The following ADGB variants were observed in gnomAD, a reference collection of about 807,000 sequenced individuals.
The protein encoded by ADGB is calpain-7-like protein.
ADGB carries 172 observed loss-of-function variants against 210.5 expected under a neutral mutation model. That is an observed-to-expected ratio of 0.82 (90% CI 0.72 to 0.93). ADGB has a LOEUF of 0.93. Ranked by LOEUF, ADGB falls within the 40% of genes least tolerant of loss-of-function variation. The probability of loss-of-function intolerance (pLI) is 0.00; values close to 1 mark genes in which losing one functional copy is unlikely to be tolerated. For missense variants in ADGB, 2,025 were observed against 1,964.8 expected (o/e 1.03, Z -0.58); for synonymous variants, 658 against 662.7 (o/e 0.99, Z 0.11).
At position 146,814,603 on chromosome 6, in the gene ADGB, G is replaced by C. The variant is rs188370137; in HGVS notation, c.4819-429G>C. 2.0e-5 allele frequency among the ~76,000 whole-genome samples: 3 copies of C among 152,128 alleles called. No individual in the cohort carries two copies. In the East Asian group the frequency reaches 5.8e-4, roughly 29 times the overall value. ...CAAGAGCAAAGTAACCAACAGATTT[G>C]GCCATACTATTTGGAGCTTCATCAT... On this transcript the variant is annotated intron_variant, in intron 35 of 35. Coordinates refer to ENST00000397944, the MANE Select transcript of ADGB (RefSeq NM_024694.4).
chr6:146,727,217 G>A (rs1053779728), intron 19 of ADGB, among the ~76,000 whole-genome samples: 1 of 150,804 alleles, frequency 6.6e-6, no homozygotes, highest in Non-Finnish European at 1.5e-5. Context: ...ACCTTGTATT[G>A]ATGGGATTCT....
At chr6:146,758,359 G>A (rs1777439978) in intron 27 of ADGB, among the ~76,000 whole-genome samples, 1 of 151,952 alleles carries the variant, frequency 6.6e-6, no homozygotes, top group South Asian at 2.1e-4. Flanking sequence ...GCTCTCCTGT[G>A]CTATTTATGA....
At chr6:146,765,620 A>G (rs1175353781) in intron 28 of ADGB, among the ~76,000 whole-genome samples, 3 of 151,008 alleles carry the variant, frequency 2.0e-5, no homozygotes, top group Non-Finnish European at 3.0e-5. Context: ...TATACTAAAT[A>G]ATTCTTTAGT....
chr6:146,754,436 G>A (rs1777379800), intron 27 of ADGB, among the ~76,000 whole-genome samples: 1 of 151,504 alleles, frequency 6.6e-6, no homozygotes, highest in Admixed American at 6.6e-5. Context: ...TTAGTCAAAT[G>A]CTTTTTCTTC....
intron 27 of ADGB, among the ~76,000 whole-genome samples, chr6:146,758,280 T>C (rs927712394): frequency 5.3e-5 from 8 of 152,092 alleles, no homozygotes; most frequent in South Asian, 2.1e-4. Context: ...TGATACATTT[T>C]ACACCGGTAT....
chr6:146,618,015 T>C lies in ADGB; in HGVS notation c.75-17360T>C, dbSNP rs1437930148. On this transcript the variant is annotated intron_variant, in intron 1 of 35. Coordinates refer to ENST00000397944, the MANE Select transcript of ADGB (RefSeq NM_024694.4). The stretch of plus-strand genomic sequence containing the variant: ...TAACACATATTTTGTGTGTCATATG[T>C]ATATGTTATATATACTGCATTCTTA... 4.6e-5 allele frequency among the ~76,000 whole-genome samples: 7 copies of C among 152,224 alleles called. No individual in the cohort carries two copies. In the East Asian group the frequency reaches 1.4e-3, roughly 29 times the overall value.
chr6:146,703,779 C>T (rs1776528189), intron 13 of ADGB, among the ~76,000 whole-genome samples: 1 of 151,694 alleles, frequency 6.6e-6, no homozygotes, highest in African/African-American at 2.4e-5. Flanking sequence ...AGGCAGGTAT[C>T]TCTTTCTTCT....
At chr6:146,735,056 T>C (rs1777059411) in intron 22 of ADGB, among the ~76,000 whole-genome samples, 2 of 152,086 alleles carry the variant, frequency 1.3e-5, no homozygotes, top group Non-Finnish European at 2.9e-5. Context: ...AAAGAATCTA[T>C]TTAAAACATT....
intron 28 of ADGB, 31 bp from the exon 29 acceptor site, chr6:146,768,989 T>C (rs1777614730): frequency 8.1e-7 from 1 of 1,231,918 alleles, no homozygotes; most frequent in Non-Finnish European, 1.1e-6. Flanking sequence ...TATGTTCTTA[T>C]CATTTTTAAA....
At chr6:146,726,416 G>A (rs549912959) in intron 19 of ADGB, among the ~76,000 whole-genome samples, 1 of 152,022 alleles carries the variant, frequency 6.6e-6, no homozygotes, top group Admixed American at 6.5e-5. Flanking sequence ...TTAGAGACGG[G>A]GTTTCACTAT....
chr6:146,683,040 G>T (rs1776178376), intron 9 of ADGB, among the ~76,000 whole-genome samples: 1 of 151,992 alleles, frequency 6.6e-6, no homozygotes, highest in Non-Finnish European at 1.5e-5. Context: ...CATGGGAGTG[G>T]TTAGGTATCC....
intron 3 of ADGB, among the ~76,000 whole-genome samples, chr6:146,652,624 T>C (rs1011176172): frequency 6.6e-6 from 1 of 152,164 alleles, no homozygotes; most frequent in Non-Finnish European, 1.5e-5. Flanking sequence ...ATTATTATTA[T>C]TTATTGGTAC....
chr6:146,645,459 T>A (rs1425602170), intron 3 of ADGB, among the ~76,000 whole-genome samples: 1 of 152,034 alleles, frequency 6.6e-6, no homozygotes, highest in Non-Finnish European at 1.5e-5. Flanking sequence ...CAGCTATATG[T>A]TAGTTTGAAT....
chr6:146,781,321 C>A (rs553189081), intron 29 of ADGB, among the ~76,000 whole-genome samples: 1 of 148,152 alleles, frequency 6.7e-6, no homozygotes, highest in African/African-American at 2.5e-5. Flanking sequence ...CCAGCCTGGG[C>A]GACAGAGTGA....
chr6:146,666,867 G>T lies in ADGB; in HGVS notation c.804G>T (p.Ala268=). ...TGGGGGAGTTCACGGTTATTCATGC[G>T]CTCACAGGATGGTTACCAGAAGTCA... ...RELGEFTVIH[A]LTGWLPEVIS... is the part of the protein sequence containing the mutation. The change falls in exon 7 of 36, where the codon GCG becomes GCT. Residue 268 remains alanine (A), a synonymous_variant. Coordinates refer to ENST00000397944, the MANE Select transcript of ADGB (RefSeq NM_024694.4). 6.5e-7 allele frequency: 1 copy of T among 1,546,580 alleles called. No individual in the cohort carries two copies. The highest frequency in any genetic ancestry group is 1.2e-5 in the South Asian group (1 of 83,560).
Position 146,717,064 on chromosome 6 carries a change from C to A in ADGB, c.1923C>A (p.Cys641Ter). ...IWLDFEDFCVCFQNIYIFHKP... is the reference protein window; with the variant it reads ...IWLDFEDFCV ...TAGATTTTGAAGATTTCTGTGTATGCTTTCAGTAAGTATACCAATGGGATC... is the reference window on the plus strand; with the variant it reads ...TAGATTTTGAAGATTTCTGTGTATGATTTCAGTAAGTATACCAATGGGATC... Residue 641 changes from cysteine to a stop codon, truncating the protein, a stop_gained, in exon 15 of 36, where the codon TGC (cysteine) becomes TGA (stop). Transcript: ENST00000397944. LOFTEE classifies it high-confidence loss of function. The A allele has an allele frequency of 6.5e-7, 1 of 1,549,746 alleles. No homozygotes were observed. The highest frequency in any genetic ancestry group is 8.7e-7 in the Non-Finnish European group (1 of 1,145,562).
intron 33 of ADGB, among the ~76,000 whole-genome samples, chr6:146,797,800 A>G (rs569044364): frequency 6.6e-6 from 1 of 152,286 alleles, no homozygotes; most frequent in African/African-American, 2.4e-5. Context: ...AAGACTACAC[A>G]TCGGGTACAA....
chr6:146,629,693 T>C (rs1216320305), intron 1 of ADGB, among the ~76,000 whole-genome samples: 1 of 152,174 alleles, frequency 6.6e-6, no homozygotes, highest in Non-Finnish European at 1.5e-5. Context: ...TCTGTAGGCT[T>C]GTGTCAATAC....
intron 19 of ADGB, among the ~76,000 whole-genome samples, chr6:146,728,245 G>A (rs1204666793): frequency 3.9e-5 from 6 of 152,066 alleles, no homozygotes; most frequent in South Asian, 4.2e-4. Context: ...ATCTCTGTTC[G>A]TCAGTCCTCA....
Sources: allele counts gnomAD v4.1 joint callset (sites outside exome capture counted in the v4.1 genomes callset), GRCh38; gene constraint gnomAD v4.1.1; transcripts MANE v1.5; gene names NCBI Gene and HGNC (gene_info 2026-07-23, HGNC 2026-07-21).